Variants in ABCB5 observed in about 807,000 individuals in gnomAD.
ABCB5 encodes ATP-binding cassette sub-family B member 5.
A neutral mutation model predicts 144.2 loss-of-function variants in ABCB5; 155 were observed. The ratio of observed to expected loss-of-function variants is 1.08; its 90% CI spans 0.94 to 1.23. The LOEUF is 1.23. Ranked by LOEUF, ABCB5 falls within the 50% of genes most tolerant of loss-of-function variation. The probability of loss-of-function intolerance (pLI) is 0.00; values close to 1 mark genes in which losing one functional copy is unlikely to be tolerated. For synonymous variants in ABCB5, 610 were observed against 528.6 expected, an observed-to-expected ratio of 1.15 and a Z score of -2.11; for missense variants, 1,830 against 1,520.8, an observed-to-expected ratio of 1.20 and a Z score of -3.38.
chr7:20,750,658 G>A (rs945136008), intron 26 of ABCB5, among the ~76,000 whole-genome samples: 14 of 151,776 alleles, frequency 9.2e-5, no homozygotes, highest in Non-Finnish European at 1.8e-4. Context: ...TGTATAATAC[G>A]TAGACTTTTT....
At chr7:20,627,934 G>A (rs934045008) in intron 3 of ABCB5, among the ~76,000 whole-genome samples, 1 of 152,086 alleles carries the variant, frequency 6.6e-6, no homozygotes, top group African/African-American at 2.4e-5. Context: ...ATGGAATAAA[G>A]TTTCTGATTC....
chr7:20,655,223 G>GCA (rs1784738765), intron 13 of ABCB5, among the ~76,000 whole-genome samples: 1 of 152,130 alleles, frequency 6.6e-6, no homozygotes, highest in South Asian at 2.1e-4. Context: ...TGTAATCCCA[G>GCA]CACTTTGGGA....
At chr7:20,699,726 G>T in intron 17 of ABCB5, 99 bp from the exon 18 acceptor site, 3 of 718,130 alleles carry the variant, frequency 4.2e-6, no homozygotes, top group East Asian at 2.9e-5. Flanking sequence ...AAAAAAAAAA[G>T]AAATGTATTT....
chr7:20,705,663 A>G (rs1786799787), intron 20 of ABCB5, among the ~76,000 whole-genome samples: 1 of 152,210 alleles, frequency 6.6e-6, no homozygotes, highest in East Asian at 1.9e-4. Context: ...AAATCTTACA[A>G]GTATTTATTC....
intron 1 of ABCB5, among the ~76,000 whole-genome samples, chr7:20,620,214 A>T (rs1431759734): frequency 1.3e-5 from 2 of 152,200 alleles, no homozygotes; most frequent in African/African-American, 4.8e-5. Flanking sequence ...CAAAAGAATG[A>T]AGTTGAACTC....
At chr7:20,690,208 G>T (rs866920173) in intron 16 of ABCB5, among the ~76,000 whole-genome samples, 110 of 152,258 alleles carry the variant, frequency 7.2e-4, no homozygotes, top group African/African-American at 2.6e-3. Flanking sequence ...AACTACAATA[G>T]TATTACCAGT....
intron 14 of ABCB5, among the ~76,000 whole-genome samples, chr7:20,664,793 T>A (rs559208510): frequency 6.6e-6 from 1 of 152,232 alleles, no homozygotes; most frequent in Non-Finnish European, 1.5e-5. Flanking sequence ...ATTAGCTTGT[T>A]AATAAAGTTA....
chr7:20,714,847 C>T (rs1242588011), intron 20 of ABCB5, among the ~76,000 whole-genome samples: 2 of 152,140 alleles, frequency 1.3e-5, no homozygotes, highest in African/African-American at 4.8e-5. Flanking sequence ...CTGTCAAGTT[C>T]ACTCTTGGAT....
Position 20,743,350 on chromosome 7 carries a change from G to T in ABCB5, c.3222+276G>T, listed in dbSNP as rs148970198. ...TAGCCATGGAATTACTTTAGAACATGGGTGCTGGAGATCTGGTCTAATGTT... is the reference window on the plus strand; with the variant it reads ...TAGCCATGGAATTACTTTAGAACATTGGTGCTGGAGATCTGGTCTAATGTT... On this transcript the variant is annotated intron_variant, in intron 25 of 27. Coordinates refer to ENST00000404938, the MANE Select transcript of ABCB5 (RefSeq NM_001163941.2). Among the ~76,000 whole-genome samples the T allele has an allele frequency of 2.5e-3, 387 of 152,182 alleles. 4 individuals are homozygous for T. Among genetic ancestry groups the T allele is most frequent in the African/African-American group, 8.9e-3 (369 of 41,524 alleles).
rs189467333 is a variant in ABCB5, at chr7:20,755,953, G to A, written c.*329G>A. 5 of 288,664 alleles carry A rather than the reference G, an allele frequency of 1.7e-5. No homozygotes were observed. Among genetic ancestry groups the A allele is most frequent in the African/African-American group, 6.6e-5 (3 of 45,440 alleles). 17.9% of individuals were successfully genotyped at this position (288,664 alleles called of 1,614,324 possible). On this transcript the variant is annotated 3_prime_UTR_variant, in exon 28 of 28. Transcript: ENST00000404938. ...TAAAATCGGAAATATGTTTCCAGGGGGAATATTATCCAATTAACCATGTTG... is the reference window on the plus strand; with the variant it reads ...TAAAATCGGAAATATGTTTCCAGGGAGAATATTATCCAATTAACCATGTTG...
intron 24 of ABCB5, among the ~76,000 whole-genome samples, chr7:20,741,414 G>A (rs1782557118): frequency 6.6e-6 from 1 of 151,384 alleles, no homozygotes; most frequent in African/African-American, 2.4e-5. Context: ...AATGCAGAGA[G>A]GGAAGTACAC....
At chr7:20,729,066 G>C (rs1782128999) in intron 23 of ABCB5, among the ~76,000 whole-genome samples, 1 of 152,096 alleles carries the variant, frequency 6.6e-6, no homozygotes, top group African/African-American at 2.4e-5. Context: ...GACAATAATT[G>C]TACATATTAT....
chr7:20,625,784 AT>A (rs560984510), intron 2 of ABCB5, among the ~76,000 whole-genome samples: 57 of 152,328 alleles, frequency 3.7e-4, no homozygotes, highest in African/African-American at 1.2e-3. Context: ...TAACCCAGCA[AT>A]TCTACTTCCG....
chr7:20,717,471 T>A (rs2128048004), intron 20 of ABCB5, among the ~76,000 whole-genome samples: 1 of 151,020 alleles, frequency 6.6e-6, no homozygotes, highest in African/African-American at 2.4e-5. Context: ...GAGACAGACT[T>A]TTGCTCTGTC....
rs751620490 is a variant in ABCB5 at position 20,651,574 on chromosome 7, G to A, written c.1487G>A (p.Arg496Lys). Residue 496 changes from arginine (R) to lysine (K), a missense_variant, in exon 13 of 28, where the codon AGA becomes AAA. Physicochemically the swap from Arg to Lys is conservative, Grantham distance 26 (BLOSUM62 2). Coordinates refer to ENST00000404938, the MANE Select transcript of ABCB5 (RefSeq NM_001163941.2). ...RDDVTDEEME[R>K]AAREANAYDF... ...GATGTGACTGATGAAGAGATGGAGA[G>A]AGCAGCAAGGGAAGCAAATGCGTAT... is the stretch of plus-strand genomic sequence containing the variant. The A allele has an allele frequency of 6.8e-6, 11 of 1,613,986 alleles. No individual in the cohort carries two copies. Among genetic ancestry groups the A allele is most frequent in the Non-Finnish European group, 9.3e-6 (11 of 1,180,008 alleles).
chr7:20,651,418 A>G lies in ABCB5; in HGVS notation c.1333-2A>G, dbSNP rs193255587. The G allele has an allele frequency of 8.5e-4, 1,369 of 1,614,040 alleles. 2 individuals carry two copies. Among genetic ancestry groups the G allele is most frequent in the Non-Finnish European group, 1.0e-3 (1,230 of 1,179,956 alleles). On this transcript the variant is annotated splice_acceptor_variant, in intron 12 of 27. Coordinates refer to ENST00000404938, the MANE Select transcript of ABCB5 (RefSeq NM_001163941.2). LOFTEE classifies it high-confidence loss of function. The stretch of plus-strand genomic sequence containing the variant: ...AACATGGTTCATTCTTTGGATTGGC[A>G]GATCATGGTGGATGAGAATGACATC...
intron 16 of ABCB5, among the ~76,000 whole-genome samples, chr7:20,696,587 T>G (rs1448705493): frequency 6.6e-6 from 1 of 152,144 alleles, no homozygotes; most frequent in African/African-American, 2.4e-5. Flanking sequence ...CTTTGTTATA[T>G]GAAAACTATA....
chr7:20,645,856 G>A lies in ABCB5; in HGVS notation c.779G>A (p.Arg260Lys), dbSNP rs61741891. ...TCAATCCGAACAGTCATAGCCTTTAGGGCCCAGGAGAAAGAACTTCAAAGG... is the reference window on the plus strand; with the variant it reads ...TCAATCCGAACAGTCATAGCCTTTAAGGCCCAGGAGAAAGAACTTCAAAGG... ...LSSIRTVIAF[R>K]AQEKELQRYT... The change falls in exon 8 of 28, where the codon AGG becomes AAG. Residue 260 changes from arginine to lysine, a missense_variant. Arg to Lys is a conservative substitution (Grantham distance 26, BLOSUM62 2). Transcript: ENST00000404938. 3.7e-4 allele frequency: 595 copies of A among 1,613,690 alleles called. 5 individuals are homozygous for A. In the African/African-American group the frequency reaches 7.3e-3, roughly 20 times the overall value.
intron 13 of ABCB5, among the ~76,000 whole-genome samples, chr7:20,653,557 T>C (rs1784671935): frequency 1.3e-5 from 2 of 152,216 alleles, no homozygotes; most frequent in Non-Finnish European, 1.5e-5. Context: ...GTCATTTCCA[T>C]GCATTGGATG....
Sources: allele counts gnomAD v4.1 joint callset (sites outside exome capture counted in the v4.1 genomes callset), GRCh38; gene constraint gnomAD v4.1.1; transcripts MANE v1.5; gene names NCBI Gene and HGNC (gene_info 2026-07-23, HGNC 2026-07-21).